The following WWP2 variants were observed in gnomAD, a reference collection of about 807,000 sequenced individuals.
The protein encoded by WWP2 is NEDD4-like E3 ubiquitin-protein ligase WWP2.
A neutral mutation model predicts 121.0 loss-of-function variants in WWP2; 57 were observed. That is an observed-to-expected ratio of 0.47 (90% CI 0.38 to 0.59). The LOEUF is 0.59. Ranked by LOEUF, WWP2 falls within the 20% of genes least tolerant of loss-of-function variation. The probability of loss-of-function intolerance (pLI) is 0.00; values close to 1 mark genes in which losing one functional copy is unlikely to be tolerated. For synonymous variants in WWP2, 449 were observed against 441.3 expected, an observed-to-expected ratio of 1.02 and a Z score of -0.22; for missense variants, 962 against 1,158.9, an observed-to-expected ratio of 0.83 and a Z score of 2.47.
intron 6 of WWP2, among the ~76,000 whole-genome samples, chr16:69,861,015 C>G (rs1419120406): frequency 3.3e-5 from 5 of 152,194 alleles, no homozygotes; most frequent in African/African-American, 9.7e-5. Context: ...TTCTGGCGCA[C>G]CTGTACAGGT....
intron 4 of WWP2, among the ~76,000 whole-genome samples, chr16:69,833,551 A>G (rs1299720770): frequency 1.3e-5 from 2 of 152,210 alleles, no homozygotes; most frequent in Non-Finnish European, 2.9e-5. Flanking sequence ...CTAGATTCTC[A>G]TATTCAGCCT....
chr16:69,778,976 G>A (rs1251924247), intron 1 of WWP2, among the ~76,000 whole-genome samples: 1 of 145,564 alleles, frequency 6.9e-6, no homozygotes, highest in African/African-American at 2.6e-5. Flanking sequence ...TTGAGATGGA[G>A]TCTCGCTCTG....
At chr16:69,911,032 T>C (rs2058371993) in intron 9 of WWP2, among the ~76,000 whole-genome samples, 1 of 152,224 alleles carries the variant, frequency 6.6e-6, no homozygotes, top group African/African-American at 2.4e-5. Context: ...ACAGAATGAA[T>C]GCTTAAGCTT....
At chr16:69,881,652 A>G in intron 7 of WWP2, among the ~76,000 whole-genome samples, 1 of 152,220 alleles carries the variant, frequency 6.6e-6, no homozygotes, top group Admixed American at 6.5e-5. Context: ...ATCCAAAATT[A>G]TTCCAAAATA....
rs563090204 is a variant in WWP2 at position 69,873,077 on chromosome 16, A to T, written c.703+1146A>T. ...AGGAATGCAGGTGTTGAAATTTGGT[A>T]AGTGACGCTGAGATAGTTTTCTAGT... On this transcript the variant is annotated intron_variant, in intron 7 of 23. Coordinates refer to ENST00000359154, the MANE Select transcript of WWP2 (RefSeq NM_001270454.2). Among the ~76,000 whole-genome samples, 5 of 152,270 alleles carry T rather than the reference A, an allele frequency of 3.3e-5. 1 individual carries two copies. In the East Asian group the frequency reaches 9.6e-4, roughly 29 times the overall value.
intron 1 of WWP2, among the ~76,000 whole-genome samples, chr16:69,777,559 C>T (rs1446315512): frequency 3.3e-5 from 5 of 151,830 alleles, no homozygotes; most frequent in African/African-American, 1.2e-4. Context: ...CCTCAGCCTC[C>T]CAAAGTGTTG....
chr16:69,813,470 G>T (rs1038852294), intron 4 of WWP2, among the ~76,000 whole-genome samples: 6 of 151,152 alleles, frequency 4.0e-5, no homozygotes, highest in Admixed American at 3.3e-4. Context: ...CCTTTTTTTT[G>T]TTGTTTTTTA....
At chr16:69,905,056 C>G (rs920459817) in intron 8 of WWP2, among the ~76,000 whole-genome samples, 5 of 152,186 alleles carry the variant, frequency 3.3e-5, no homozygotes, top group African/African-American at 1.2e-4. Context: ...CAGACCACGC[C>G]CAAATAAGGC....
At chr16:69,924,557 A>G (rs955316912) in intron 10 of WWP2, among the ~76,000 whole-genome samples, 5 of 152,076 alleles carry the variant, frequency 3.3e-5, no homozygotes, top group African/African-American at 1.2e-4. Flanking sequence ...GTCCATCCCC[A>G]GGGACCTCGA....
intron 4 of WWP2, among the ~76,000 whole-genome samples, chr16:69,807,863 G>GT (rs1257798244): frequency 1.3e-5 from 2 of 151,956 alleles, no homozygotes. Context: ...AGAGGCAGTG[G>GT]TGGGAGGATT....
chr16:69,920,955 C>G (rs1368945102), intron 10 of WWP2, among the ~76,000 whole-genome samples: 1 of 152,108 alleles, frequency 6.6e-6, no homozygotes, highest in Non-Finnish European at 1.5e-5. Context: ...TCCTGCCTGC[C>G]TCTCTTAGCA....
chr16:69,937,081 G>T lies in WWP2; in HGVS notation c.2118-37G>T. 1 of 1,610,138 alleles carries T rather than the reference G, an allele frequency of 6.2e-7. No individual in the cohort carries two copies. Among genetic ancestry groups the T allele is most frequent in the Non-Finnish European group, 8.5e-7 (1 of 1,177,822 alleles). ...GCCGGGAGCCACCCCTGAGCAGTGG[G>T]TCTCAGACTCCACCCATGGCTGCTC... is the stretch of plus-strand genomic sequence containing the variant. On this transcript the variant is annotated intron_variant, in intron 19 of 23. Transcript: ENST00000359154. The surrounding 1 kb of genome is among the most constrained non-coding windows in gnomAD (Gnocchi z 6.6).
At chr16:69,790,657 CCT>C (rs1463290031) in intron 2 of WWP2, among the ~76,000 whole-genome samples, 1 of 152,104 alleles carries the variant, frequency 6.6e-6, no homozygotes, top group Non-Finnish European at 1.5e-5. Flanking sequence ...CTCACTGCGA[CCT>C]CTGTCTCCTG....
In WWP2 at chr16:69,937,205, G is replaced by A. The variant is rs1567447384; in HGVS notation, c.2205G>A (p.Glu735=). ...LDGFNEVAPL[E]WLRYFDEKEL... is the part of the protein sequence containing the mutation. ...GCTTCAACGAGGTGGCCCCGCTGGA[G>A]TGGCTGCGCTACTTTGACGAGAAAG... is the stretch of plus-strand genomic sequence containing the variant. Residue 735 remains glutamate, a synonymous_variant, in exon 20 of 24, where the codon GAG becomes GAA. Transcript: ENST00000359154. This position sits in a 1 kb window ranked among gnomAD's most constrained non-coding sequence, Gnocchi z 6.6. The A allele has an allele frequency of 2.5e-6, 4 of 1,613,962 alleles. No individual in the cohort carries two copies. The highest frequency in any genetic ancestry group is 2.7e-5 in the African/African-American group (2 of 75,000).
intron 6 of WWP2, among the ~76,000 whole-genome samples, chr16:69,851,305 A>C (rs1042739005): frequency 6.6e-6 from 1 of 151,980 alleles, no homozygotes. Context: ...TCTGTCATAC[A>C]GAGTAGTTTC....
intron 1 of WWP2, among the ~76,000 whole-genome samples, chr16:69,782,260 G>A (rs1404160767): frequency 6.6e-6 from 1 of 152,172 alleles, no homozygotes; most frequent in Non-Finnish European, 1.5e-5. Flanking sequence ...TCCAGCCCGG[G>A]TGACAGAGCG....
chr16:69,765,855 G>T (rs533324035), intron 1 of WWP2, among the ~76,000 whole-genome samples: 1 of 152,096 alleles, frequency 6.6e-6, no homozygotes, highest in Non-Finnish European at 1.5e-5. Flanking sequence ...TGGGGGCGGG[G>T]GTTCTCACTT....
chr16:69,764,557 C>T (rs921278099), intron 1 of WWP2, among the ~76,000 whole-genome samples: 1 of 152,150 alleles, frequency 6.6e-6, no homozygotes, highest in Non-Finnish European at 1.5e-5. Flanking sequence ...AAAAAGATCA[C>T]ACAGAAAAAG....
intron 8 of WWP2, among the ~76,000 whole-genome samples, chr16:69,892,169 T>A (rs2058038967): frequency 6.6e-6 from 1 of 152,220 alleles, no homozygotes; most frequent in African/African-American, 2.4e-5. Flanking sequence ...CTCTTTTTTT[T>A]AATTTAAAAT....
Sources: allele counts gnomAD v4.1 joint callset (sites outside exome capture counted in the v4.1 genomes callset), GRCh38; gene constraint gnomAD v4.1.1; non-coding constraint Gnocchi (gnomAD v3.1); transcripts MANE v1.5; gene names NCBI Gene and HGNC (gene_info 2026-07-23, HGNC 2026-07-21).